The following BLTP1 variants were observed in gnomAD, a reference collection of about 807,000 sequenced individuals.
The protein encoded by BLTP1 is fragile site-associated protein.
chr4:122,301,278 C>G, the BLTP1 span: 1 of 1,543,096 alleles, frequency 6.5e-7, no homozygotes, highest in African/African-American at 1.4e-5. Context: ...AAAAAATTGT[C>G]CCGAACTCTT....
the BLTP1 span, chr4:122,331,950 AC>A: frequency 1.0e-5 from 2 of 193,458 alleles, no homozygotes; most frequent in African/African-American, 4.7e-5. Context: ...AGTTACACAG[AC>A]CTCAGTAGAC....
At chr4:122,153,816 A>G in the BLTP1 span, among the ~76,000 whole-genome samples, 2 of 152,276 alleles carry the variant, frequency 1.3e-5, no homozygotes, top group African/African-American at 4.8e-5. Flanking sequence ...GAGTCTTTGG[A>G]AGGCTTCAGT....
At chr4:122,153,987 A>G in the BLTP1 span, 52 of 984,856 alleles carry the variant, frequency 5.3e-5, no homozygotes, top group Admixed American at 9.2e-4. Flanking sequence ...TAAAGCCAGA[A>G]TACCTTGTAT....
the BLTP1 span, among the ~76,000 whole-genome samples, chr4:122,159,519 G>A: frequency 2.1e-4 from 32 of 151,688 alleles, no homozygotes; most frequent in East Asian, 1.9e-4. Flanking sequence ...CATTTTAATC[G>A]TTGTTTACTG....
At chr4:122,152,705 G>A in the BLTP1 span, 6 of 895,512 alleles carry the variant, frequency 6.7e-6, no homozygotes, top group Non-Finnish European at 8.0e-6. Context: ...CTGCGGCGGC[G>A]ACTCCTTCAT....
At chr4:122,164,728 T>C in the BLTP1 span, among the ~76,000 whole-genome samples, 1 of 152,172 alleles carries the variant, frequency 6.6e-6, no homozygotes, top group African/African-American at 2.4e-5. Flanking sequence ...TTTTATTAAA[T>C]GGGTGGTAAT....
the BLTP1 span, chr4:122,281,786 T>C: frequency 2.0e-6 from 3 of 1,505,472 alleles, no homozygotes; most frequent in Non-Finnish European, 1.8e-6. Flanking sequence ...TAATATTGAA[T>C]TCTGAATTCA....
the BLTP1 span, chr4:122,224,975 AAT>A: frequency 1.2e-5 from 13 of 1,079,778 alleles, no homozygotes; most frequent in Non-Finnish European, 1.5e-5. Flanking sequence ...AGAAGTCATT[AAT>A]ATATTATTAA....
At chr4:122,160,283 G>T in the BLTP1 span, among the ~76,000 whole-genome samples, 1 of 152,124 alleles carries the variant, frequency 6.6e-6, no homozygotes, top group Admixed American at 6.5e-5. Context: ...AGGTATTATT[G>T]AAATCCCATT....
the BLTP1 span, chr4:122,347,363 T>C: frequency 1.2e-6 from 1 of 834,440 alleles, no homozygotes; most frequent in South Asian, 5.5e-5. Flanking sequence ...CACTGGCATG[T>C]TCTTTGCAAA....
the BLTP1 span, chr4:122,193,573 TAAAC>T: frequency 3.6e-6 from 2 of 558,876 alleles, no homozygotes; most frequent in South Asian, 7.9e-5. Context: ...TGAAGAATTT[TAAAC>T]AAAGAAGGGG....
At chr4:122,172,083 A>G in the BLTP1 span, among the ~76,000 whole-genome samples, 64 of 150,062 alleles carry the variant, frequency 4.3e-4, no homozygotes, top group African/African-American at 1.5e-3. Context: ...TTTTTCTAGA[A>G]TTTTTTTTTT....
the BLTP1 span, chr4:122,257,486 T>A: frequency 6.2e-7 from 1 of 1,613,896 alleles, no homozygotes; most frequent in African/African-American, 1.3e-5. Context: ...AGAATTTGAG[T>A]TCGATGCAGG....
At chr4:122,350,163 C>T in the BLTP1 span, 12 of 1,467,872 alleles carry the variant, frequency 8.2e-6, no homozygotes, top group African/African-American at 2.9e-5. Context: ...ATCTGTATGC[C>T]CCACTTAGAA....
the BLTP1 span, among the ~76,000 whole-genome samples, chr4:122,167,228 C>T: frequency 3.3e-5 from 5 of 152,082 alleles, no homozygotes; most frequent in African/African-American, 1.2e-4. Context: ...ACCATAGCTC[C>T]AGTTCTTATC....
At chr4:122,328,028 A>G in the BLTP1 span, 1 of 1,100,902 alleles carries the variant, frequency 9.1e-7, no homozygotes, top group East Asian at 2.8e-5. Context: ...TAATTTTTAA[A>G]TGTTTAAATT....
At chr4:122,245,769 C>T in the BLTP1 span, among the ~76,000 whole-genome samples, 1 of 151,916 alleles carries the variant, frequency 6.6e-6, no homozygotes. Context: ...ATTGGCATTT[C>T]ATGTGATAGA....
the BLTP1 span, chr4:122,304,828 A>G: frequency 6.2e-7 from 1 of 1,613,896 alleles, no homozygotes; most frequent in Non-Finnish European, 8.5e-7. Context: ...TACTCCATCA[A>G]TGAGAGCTGT....
chr4:122,238,504 G>T, the BLTP1 span, among the ~76,000 whole-genome samples: 1 of 152,180 alleles, frequency 6.6e-6, no homozygotes, highest in African/African-American at 2.4e-5. Flanking sequence ...GTTTGCTGTT[G>T]TCTGATTATA....
Sources: gnomAD v4.1 joint callset for allele counts (sites outside exome capture counted in the v4.1 genomes callset) on GRCh38, gnomAD v4.1.1 for gene constraint, MANE v1.5 for transcripts, NCBI Gene and HGNC (gene_info 2026-07-23, HGNC 2026-07-21) for gene names.